Variants in ANKS1B observed in about 807,000 individuals in gnomAD.
ANKS1B encodes the protein ankyrin repeat and sterile alpha motif domain containing 1B, also known as ankyrin repeat and sterile alpha motif domain-containing protein 1B.
A neutral mutation model predicts 148.3 loss-of-function variants in ANKS1B; 36 were observed. The observed-to-expected ratio is 0.24, with a 90% confidence interval of 0.19 to 0.32. The LOEUF is 0.32. Among genes scored for constraint, ANKS1B ranks in the 10% least tolerant of loss-of-function variants. ANKS1B has a pLI of 1.00. For missense variants in ANKS1B, 1,157 were observed against 1,542.6 expected (o/e 0.75, Z 4.19); for synonymous variants, 542 against 560.8 (o/e 0.97, Z 0.47).
intron 17 of ANKS1B, among the ~76,000 whole-genome samples, chr12:98,934,749 T>C (rs2099816880): frequency 6.6e-6 from 1 of 152,088 alleles, no homozygotes; most frequent in Non-Finnish European, 1.5e-5. Flanking sequence ...TTTTCCTAAT[T>C]TCTTTTTTCA....
Position 99,402,723 on chromosome 12 carries a change from G to A in ANKS1B, c.1576-2912C>T, listed in dbSNP as rs1211493863. On this transcript the variant is annotated intron_variant, in intron 11 of 26. Coordinates refer to ENST00000683438, the MANE Select transcript of ANKS1B (RefSeq NM_001352186.2). ...ATTTTCTTTATCCAGTCTATCATTGGTGAGCATTGAGGTTGATTCCATGTC... is the reference window on the plus strand; with the variant it reads ...ATTTTCTTTATCCAGTCTATCATTGATGAGCATTGAGGTTGATTCCATGTC... Among the ~76,000 whole-genome samples the A allele has an allele frequency of 4.8e-5, 7 of 146,140 alleles. 2 individuals are homozygous for A. Among genetic ancestry groups the A allele is most frequent in the African/African-American group, 1.8e-4 (7 of 38,458 alleles).
At position 99,494,416 on chromosome 12, in the gene ANKS1B, G is replaced by A. The variant is rs537953882; in HGVS notation, c.1438+10060C>T. Among the ~76,000 whole-genome samples the A allele has an allele frequency of 2.4e-4, 36 of 152,232 alleles. No homozygotes were observed. The South Asian group carries it at 7.3e-3, about 31-fold the overall frequency. ...TTAGTTGTTCTTGTGGTTTGCTACT[G>A]CTTTTCAAACGATAAAGACCCGAGC... On this transcript the variant is annotated intron_variant, in intron 10 of 26. Coordinates refer to ENST00000683438, the MANE Select transcript of ANKS1B (RefSeq NM_001352186.2).
intron 12 of ANKS1B, among the ~76,000 whole-genome samples, chr12:99,277,057 T>A (rs2077765132): frequency 6.6e-6 from 1 of 152,202 alleles, no homozygotes; most frequent in Non-Finnish European, 1.5e-5. Flanking sequence ...GCTTACTTCC[T>A]AACCTGATGA....
intron 8 of ANKS1B, among the ~76,000 whole-genome samples, chr12:99,656,341 C>CTT (rs2098449807): frequency 6.6e-6 from 1 of 152,034 alleles, no homozygotes; most frequent in African/African-American, 2.4e-5. Flanking sequence ...ATGGTGGGAT[C>CTT]TATGTATCAA....
chr12:99,679,942 A>C (rs1311356746), intron 8 of ANKS1B, among the ~76,000 whole-genome samples: 2 of 152,208 alleles, frequency 1.3e-5, no homozygotes, highest in Non-Finnish European at 2.9e-5. Flanking sequence ...AAAAACTGAA[A>C]GAATTCACAG....
At chr12:99,925,675 G>A (rs2094462992) in intron 1 of ANKS1B, among the ~76,000 whole-genome samples, 1 of 152,096 alleles carries the variant, frequency 6.6e-6, no homozygotes, top group African/African-American at 2.4e-5. Flanking sequence ...TCGTCAAAAG[G>A]AGGGACAAGG....
At chr12:99,465,666 T>G (rs1225913594) in intron 10 of ANKS1B, among the ~76,000 whole-genome samples, 3 of 152,070 alleles carry the variant, frequency 2.0e-5, no homozygotes, top group Admixed American at 1.3e-4. Context: ...AAACAGACTT[T>G]AAACCAACAA....
chr12:99,334,701 AC>A (rs1249905193), intron 12 of ANKS1B, among the ~76,000 whole-genome samples: 1 of 152,058 alleles, frequency 6.6e-6, no homozygotes, highest in Admixed American at 6.6e-5. Flanking sequence ...TTTATGTAGT[AC>A]ATTTTTTTCC....
At chr12:99,832,316 G>T (rs1049133752) in intron 1 of ANKS1B, among the ~76,000 whole-genome samples, 2 of 152,146 alleles carry the variant, frequency 1.3e-5, no homozygotes, top group African/African-American at 4.8e-5. Flanking sequence ...GGTCTGGAAT[G>T]GTGGCTCATG....
At chr12:99,218,733 G>T (rs559147934) in intron 14 of ANKS1B, among the ~76,000 whole-genome samples, 2 of 152,276 alleles carry the variant, frequency 1.3e-5, no homozygotes, top group South Asian at 4.2e-4. Flanking sequence ...TCTGTAAAGT[G>T]GGAGTAACAC....
chr12:99,510,838 T>C (rs922727622), intron 9 of ANKS1B, among the ~76,000 whole-genome samples: 1 of 151,934 alleles, frequency 6.6e-6, no homozygotes, highest in Non-Finnish European at 1.5e-5. Context: ...CAAAACTACA[T>C]TGTTCCCTTA....
intron 10 of ANKS1B, among the ~76,000 whole-genome samples, chr12:99,476,459 G>A (rs945386642): frequency 6.6e-6 from 1 of 152,064 alleles, no homozygotes; most frequent in Non-Finnish European, 1.5e-5. Flanking sequence ...GACAAATTGA[G>A]AAAGAATAGT....
At chr12:99,356,571 AT>A (rs2152411419) in intron 12 of ANKS1B, among the ~76,000 whole-genome samples, 1 of 152,262 alleles carries the variant, frequency 6.6e-6, no homozygotes, top group East Asian at 1.9e-4. Flanking sequence ...GCTCATCTCC[AT>A]TTTTGCAGAA....
chr12:99,780,958 T>C (rs978458543), intron 5 of ANKS1B, among the ~76,000 whole-genome samples: 1 of 152,266 alleles, frequency 6.6e-6, no homozygotes, highest in African/African-American at 2.4e-5. Flanking sequence ...ACACCTGTTA[T>C]TATTTTAGTT....
chr12:99,801,497 T>C (rs557102204), intron 4 of ANKS1B, among the ~76,000 whole-genome samples: 6 of 152,080 alleles, frequency 3.9e-5, no homozygotes, highest in Non-Finnish European at 8.8e-5. Context: ...ATTAGACAAC[T>C]TGACAAAGGC....
At chr12:98,907,848 T>C (rs1229441194) in intron 17 of ANKS1B, among the ~76,000 whole-genome samples, 1 of 152,140 alleles carries the variant, frequency 6.6e-6, no homozygotes, top group Admixed American at 6.5e-5. Context: ...TTATAAGGGG[T>C]TTCCACTTTT....
chr12:99,950,111 T>G (rs2095176367), intron 1 of ANKS1B, among the ~76,000 whole-genome samples: 2 of 133,766 alleles, frequency 1.5e-5, no homozygotes, highest in South Asian at 4.6e-4. Flanking sequence ...CATGCTCAGT[T>G]AATTTTTTTT....
chr12:99,662,477 G>C lies in ANKS1B; in HGVS notation c.1129-7267C>G, dbSNP rs573501981. 9.2e-5 allele frequency among the ~76,000 whole-genome samples: 14 copies of C among 152,262 alleles called. 1 individual carries two copies. In the South Asian group the frequency reaches 2.1e-3, roughly 23 times the overall value. On this transcript the variant is annotated intron_variant, in intron 8 of 26. Coordinates refer to ENST00000683438, the MANE Select transcript of ANKS1B (RefSeq NM_001352186.2). ...CATTGAATAACAGTTTATCACATAT[G>C]TGTTGAAAATGAATGAAGAGTAAAT...
At chr12:99,822,216 C>T in intron 2 of ANKS1B, among the ~76,000 whole-genome samples, 1 of 151,864 alleles carries the variant, frequency 6.6e-6, no homozygotes, top group East Asian at 1.9e-4. Context: ...TGAAGAAGAC[C>T]CTTGAGTCAC....
Sources: gnomAD v4.1 joint callset for allele counts (sites outside exome capture counted in the v4.1 genomes callset) on GRCh38, gnomAD v4.1.1 for gene constraint, MANE v1.5 for transcripts, NCBI Gene and HGNC (gene_info 2026-07-23, HGNC 2026-07-21) for gene names.